The following PIGF variants were observed in gnomAD, a reference collection of about 807,000 sequenced individuals.
The protein encoded by PIGF is phosphatidylinositol glycan anchor biosynthesis class F, also known as GPI ethanolamine phosphate transferase, stabilizing subunit.
PIGF carries 23 observed loss-of-function variants against 26.0 expected under a neutral mutation model. The observed-to-expected ratio is 0.88, with a 90% confidence interval of 0.64 to 1.25. The LOEUF (loss-of-function observed/expected upper bound fraction) is 1.25, where lower values mean the gene tolerates loss of function less well. Ranked by LOEUF, PIGF falls within the 50% of genes most tolerant of loss-of-function variation. The pLI is 0.00. For synonymous variants in PIGF, 93 were observed against 92.6 expected (o/e 1.00, Z -0.03); for missense variants, 278 against 249.9 (o/e 1.11, Z -0.76).
chr2:46,604,649 A>T (rs1015650412), intron 4 of PIGF, among the ~76,000 whole-genome samples: 4 of 152,008 alleles, frequency 2.6e-5, no homozygotes, highest in African/African-American at 9.7e-5. Flanking sequence ...TATTTGTGGT[A>T]GTTAAAAAAA....
chr2:46,609,448 C>T (rs1309684362), intron 4 of PIGF, among the ~76,000 whole-genome samples: 1 of 152,204 alleles, frequency 6.6e-6, no homozygotes, highest in African/African-American at 2.4e-5. Flanking sequence ...CTAGAGTAGA[C>T]TAAATTTCCT....
intron 4 of PIGF, among the ~76,000 whole-genome samples, chr2:46,595,857 A>C (rs1188673749): frequency 1.3e-5 from 2 of 152,194 alleles, no homozygotes; most frequent in Non-Finnish European, 2.9e-5. Context: ...AAATTCTTAA[A>C]TATCAAACTA....
chr2:46,601,220 C>T (rs1452056162), intron 4 of PIGF, among the ~76,000 whole-genome samples: 1 of 152,010 alleles, frequency 6.6e-6, no homozygotes, highest in Non-Finnish European at 1.5e-5. Flanking sequence ...AATATATGCA[C>T]AGTCAATAGG....
intron 4 of PIGF, among the ~76,000 whole-genome samples, chr2:46,598,553 T>TTTTTTTTTTTTTTTTA (rs35714279): frequency 6.8e-6 from 1 of 146,764 alleles, no homozygotes; most frequent in Non-Finnish European, 1.5e-5. Flanking sequence ...TTTTTTTTTT[T>TTTTTTTTTTTTTTTTA]AGCTCATCAG....
rs1397362913 is a variant in PIGF, at chr2:46,596,770, CA to C, written c.438-4188del. Reference sequence around the variant, plus strand: ...CTTTTATCTACAAGCTGCCTACCTCCACATACACATTTCTCCCTGACTCACG... The same window carrying C: ...CTTTTATCTACAAGCTGCCTACCTCCCATACACATTTCTCCCTGACTCACG... On this transcript the variant is annotated intron_variant, in intron 4 of 5. Coordinates refer to ENST00000281382, the MANE Select transcript of PIGF (RefSeq NM_002643.4). 1.4e-4 allele frequency among the ~76,000 whole-genome samples: 22 copies of C among 152,226 alleles called. 1 individual carries two copies. The South Asian group carries it at 3.5e-3, about 24-fold the overall frequency.
At chr2:46,586,522 G>C (rs907946191) in intron 5 of PIGF, among the ~76,000 whole-genome samples, 1 of 152,084 alleles carries the variant, frequency 6.6e-6, no homozygotes, top group Admixed American at 6.5e-5. Context: ...CTGCAAATCA[G>C]AACACCTACA....
chr2:46,591,927 T>C (rs763415536), intron 5 of PIGF: 457 of 1,303,638 alleles, frequency 3.5e-4, no homozygotes, highest in Non-Finnish European at 4.4e-4. Flanking sequence ...TATCTGCTTC[T>C]AAAAATTTCA....
intron 5 of PIGF, chr2:46,583,239 C>G (rs965895996): frequency 6.6e-6 from 1 of 152,048 alleles, no homozygotes; most frequent in Non-Finnish European, 1.5e-5. Flanking sequence ...TTGCCCTGCC[C>G]TAACAGAAAC....
At chr2:46,596,796 G>A (rs954826509) in intron 4 of PIGF, among the ~76,000 whole-genome samples, 12 of 151,876 alleles carry the variant, frequency 7.9e-5, no homozygotes, top group East Asian at 1.9e-4. Flanking sequence ...CCTGACTCAC[G>A]CCCCTTCTAC....
At chr2:46,587,024 T>C (rs1042231706) in intron 5 of PIGF, among the ~76,000 whole-genome samples, 2 of 152,268 alleles carry the variant, frequency 1.3e-5, no homozygotes, top group African/African-American at 4.8e-5. Context: ...TTGGCCAGCA[T>C]TATTCTCTCT....
At chr2:46,601,564 T>G (rs1325711951) in intron 4 of PIGF, among the ~76,000 whole-genome samples, 1 of 152,146 alleles carries the variant, frequency 6.6e-6, no homozygotes, top group Non-Finnish European at 1.5e-5. Context: ...CTCCTCCTAG[T>G]GGCTAAAGGT....
At chr2:46,611,617 C>T (rs1040095389) in intron 4 of PIGF, among the ~76,000 whole-genome samples, 2 of 152,016 alleles carry the variant, frequency 1.3e-5, no homozygotes, top group Admixed American at 1.3e-4. Flanking sequence ...AATCAAATAA[C>T]CTTCTGGCTT....
chr2:46,607,106 T>C (rs1670247649), intron 4 of PIGF, among the ~76,000 whole-genome samples: 1 of 152,208 alleles, frequency 6.6e-6, no homozygotes, highest in Admixed American at 6.5e-5. Flanking sequence ...GAATTGTATA[T>C]TTTAAATAGA....
intron 4 of PIGF, among the ~76,000 whole-genome samples, chr2:46,597,890 G>GT (rs2104097357): frequency 6.6e-6 from 1 of 152,160 alleles, no homozygotes; most frequent in East Asian, 1.9e-4. Flanking sequence ...TTTTTAAAGT[G>GT]TTTTTTCATC....
rs571065663 is a variant in PIGF at position 46,609,279 on chromosome 2, C to A, written c.437+2949G>T. Among the ~76,000 whole-genome samples, 8 of 152,366 alleles carry A rather than the reference C, an allele frequency of 5.3e-5. No homozygotes were observed. The South Asian group carries it at 1.7e-3, about 32-fold the overall frequency. On this transcript the variant is annotated intron_variant, in intron 4 of 5. Transcript: ENST00000281382. ...AAACTTTTCTTCTGTAACTTTCTCA[C>A]CTCTCTCAGCCTTCACAGAAATGAA...
intron 2 of PIGF, 139 bp downstream of exon 2, chr2:46,614,798 T>C: frequency 1.7e-6 from 1 of 578,156 alleles, no homozygotes; most frequent in Non-Finnish European, 3.1e-6. Flanking sequence ...AGTAACAGCC[T>C]ACCAATTTGG....
At chr2:46,600,712 C>T (rs2104105088) in intron 4 of PIGF, among the ~76,000 whole-genome samples, 1 of 152,190 alleles carries the variant, frequency 6.6e-6, no homozygotes, top group Non-Finnish European at 1.5e-5. Flanking sequence ...CATCCAATTT[C>T]CGTTATGTGA....
chr2:46,600,911 T>TTA (rs753477344), intron 4 of PIGF, among the ~76,000 whole-genome samples: 1 of 151,736 alleles, frequency 6.6e-6, no homozygotes, highest in East Asian at 1.9e-4. Context: ...TGTTTTAAAA[T>TTA]TATATATATA....
Position 46,612,273 on chromosome 2 carries a change from A to C in PIGF, c.392T>G (p.Leu131Ter). 3.4e-6 allele frequency: 5 copies of C among 1,483,448 alleles called. No individual in the cohort carries two copies. The highest frequency in any genetic ancestry group is 4.5e-6 in the Non-Finnish European group (5 of 1,109,410). The allele number at this position is 1,483,448 out of a possible 1,614,324, so 91.9% of individuals were successfully genotyped here. The part of the protein sequence containing the change: ...TFTTVPCLCL[L>*]GPNLKAWLRV... ...TAGCCATGCTTTGAGGTTTGGTCCT[A>C]ACAAACATAAGCAAGGCACAGTAGT... Residue 131 changes from leucine to a stop codon, truncating the protein, a stop_gained, in exon 4 of 6, where the codon TTA becomes TGA. Transcript: ENST00000281382. LOFTEE classifies it high-confidence loss of function.
Sources: gnomAD v4.1 joint callset for allele counts (sites outside exome capture counted in the v4.1 genomes callset) on GRCh38, gnomAD v4.1.1 for gene constraint, MANE v1.5 for transcripts, NCBI Gene and HGNC (gene_info 2026-07-23, HGNC 2026-07-21) for gene names.